CYLC1: variants seen among roughly 807,000 people sequenced by gnomAD.
CYLC1 encodes the protein cylicin 1.
A neutral mutation model predicts 31.6 loss-of-function variants in CYLC1; 2 were observed. The observed-to-expected ratio is 0.06, with a 90% CI of 0.03 to 0.20. The LOEUF (loss-of-function observed/expected upper bound fraction) is 0.20, where lower values mean the gene tolerates loss of function less well. Ranked by LOEUF, CYLC1 falls within the 10% of genes least tolerant of loss-of-function variation. The pLI is 1.00. For synonymous variants in CYLC1, 185 were observed against 153.0 expected (o/e 1.21, Z -1.54); for missense variants, 595 against 424.1 (o/e 1.40, Z -3.54).
intron 2 of CYLC1, among the ~76,000 whole-genome samples, chrX:83,871,114 T>A (rs2031657112): frequency 9.1e-6 from 1 of 110,395 alleles, no homozygotes; most frequent in African/African-American, 3.3e-5. Flanking sequence ...GACGAGATGA[T>A]GTAGATATTT....
intron 4 of CYLC1, among the ~76,000 whole-genome samples, chrX:83,883,473 A>T (rs1285349254): frequency 8.9e-6 from 1 of 111,836 alleles, no homozygotes; most frequent in African/African-American, 3.2e-5. Flanking sequence ...TAAAATGCAT[A>T]TCTATTTCTT....
chrX:83,881,030 A>G (rs1412716733), intron 4 of CYLC1, among the ~76,000 whole-genome samples: 8 of 111,515 alleles, frequency 7.2e-5, no homozygotes, highest in African/African-American at 1.3e-4. Flanking sequence ...TTCAATTTCT[A>G]TAGTTAATTA....
chrX:83,871,600 C>T (rs765275569), intron 3 of CYLC1, 30 bp downstream of exon 3: 80 of 1,144,432 alleles, frequency 7.0e-5, no homozygotes, highest in South Asian at 3.9e-4. Flanking sequence ...TTTTTAAAAA[C>T]GAAATCTAAG....
At chrX:83,863,380 C>T (rs1336716079) in intron 1 of CYLC1, among the ~76,000 whole-genome samples, 1 of 111,049 alleles carries the variant, frequency 9.0e-6, no homozygotes, top group Non-Finnish European at 1.9e-5. Flanking sequence ...TTGCTAATGA[C>T]CTTTCTGTGG....
chrX:83,885,819 A>G lies in CYLC1; in HGVS notation c.1924-733A>G, dbSNP rs184465669. ...CTATAAGAGAAAAACTTTGGTATAA[A>G]TGTATAATATATAAAACTATGTATA... On this transcript the variant is annotated intron_variant, in intron 4 of 4. Transcript: ENST00000329312. Among the ~76,000 whole-genome samples the G allele has an allele frequency of 1.4e-3, 159 of 110,260 alleles. 1 individual carries two copies. The highest frequency in any genetic ancestry group is 4.8e-3 in the African/African-American group (147 of 30,657).
chrX:83,881,987 C>T (rs747381028), intron 4 of CYLC1, among the ~76,000 whole-genome samples: 8 of 110,691 alleles, frequency 7.2e-5, no homozygotes, highest in Non-Finnish European at 1.1e-4. Context: ...TGAGCCACCG[C>T]GCCTGGTCAC....
At chrX:83,875,350 T>TA (rs2031743465) in intron 4 of CYLC1, among the ~76,000 whole-genome samples, 1 of 111,318 alleles carries the variant, frequency 9.0e-6, no homozygotes, top group Admixed American at 9.6e-5. Flanking sequence ...TAAATAGACA[T>TA]ATTACATTAG....
Position 83,874,272 on chromosome X carries a change from G to C in CYLC1, c.1564G>C (p.Ala522Pro). The C allele has an allele frequency of 8.3e-7, 1 of 1,209,591 alleles. No individual in the cohort carries two copies. ...DARKDTESTD[A>P]EFDESSKTGF... ...AAGAAAGGACACAGAGTCTACTGAT[G>C]CTGAATTTGATGAATCTTCCAAGAC... Residue 522 changes from alanine (A) to proline (P), a missense_variant, in exon 4 of 5, where the codon GCT becomes CCT. By Grantham distance (27) the Ala-to-Pro change is conservative (BLOSUM62 -1). Coordinates refer to ENST00000329312, the MANE Select transcript of CYLC1 (RefSeq NM_021118.3).
chrX:83,876,318 C>T (rs2031757890), intron 4 of CYLC1, among the ~76,000 whole-genome samples: 1 of 110,132 alleles, frequency 9.1e-6, no homozygotes, highest in Non-Finnish European at 1.9e-5. Context: ...TGGCTAACCA[C>T]TAGTGTGACA....
chrX:83,863,832 A>G (rs747677462), intron 1 of CYLC1, among the ~76,000 whole-genome samples: 27 of 111,682 alleles, frequency 2.4e-4, no homozygotes, highest in Admixed American at 2.0e-3. Context: ...ACTGTAAGAA[A>G]CTACCAGAAA....
chrX:83,881,041 G>A (rs1186292832), intron 4 of CYLC1, among the ~76,000 whole-genome samples: 1 of 111,206 alleles, frequency 9.0e-6, no homozygotes, highest in Non-Finnish European at 1.9e-5. Flanking sequence ...TAGTTAATTA[G>A]GAGTCAAAAG....
chrX:83,872,941 G>A lies in CYLC1; in HGVS notation c.233G>A (p.Arg78Lys), dbSNP rs762829687. ...EGQKPAHKWI[R>K]HSFRKILQWP... is the part of the protein sequence containing the mutation. Reference sequence around the variant, plus strand: ...CAGAAACCAGCTCATAAATGGATAAGGCATTCTTTCAGAAAAATTTTGCAA... The same window carrying A: ...CAGAAACCAGCTCATAAATGGATAAAGCATTCTTTCAGAAAAATTTTGCAA... The change falls in exon 4 of 5, where the codon AGG becomes AAG. Residue 78 changes from arginine to lysine, a missense_variant. Transcript: ENST00000329312. The A allele has an allele frequency of 1.7e-6, 2 of 1,198,899 alleles. No homozygotes were observed. Among genetic ancestry groups the A allele is most frequent in the Non-Finnish European group, 2.2e-6 (2 of 891,105 alleles).
intron 1 of CYLC1, among the ~76,000 whole-genome samples, chrX:83,869,096 T>C (rs1233402995): frequency 3.6e-5 from 4 of 111,058 alleles, no homozygotes; most frequent in African/African-American, 6.5e-5. Context: ...ATTATACATA[T>C]ATATTTTTAT....
At chrX:83,872,841 T>C (rs1201353027) in intron 3 of CYLC1, 45 bp from the exon 4 acceptor site, 3 of 925,345 alleles carry the variant, frequency 3.2e-6, no homozygotes, top group African/African-American at 4.1e-5. Context: ...TATAGAAAGA[T>C]AAAACTCATT....
Position 83,873,962 on chromosome X carries a change from T to A in CYLC1, c.1254T>A (p.Ser418Arg). The A allele has an allele frequency of 8.6e-7, 1 of 1,168,021 alleles. No homozygotes were observed. The highest frequency in any genetic ancestry group is 1.1e-6 in the Non-Finnish European group (1 of 873,470). The change falls in exon 4 of 5, where the codon AGT becomes AGA. Residue 418 changes from serine to arginine, a missense_variant. Physicochemically the swap from Ser to Arg is moderately radical, Grantham distance 110 (BLOSUM62 -1). Coordinates refer to ENST00000329312, the MANE Select transcript of CYLC1 (RefSeq NM_021118.3). ...DSESELESKE[S>R]QKDEKKDKKD... is the part of the protein sequence containing the mutation. ...AATCTGAACTGGAGTCAAAGGAGAG[T>A]CAGAAAGATGAAAAAAAGGATAAAA...
intron 4 of CYLC1, among the ~76,000 whole-genome samples, chrX:83,884,117 A>C (rs1371089397): frequency 8.9e-6 from 1 of 111,802 alleles, no homozygotes; most frequent in Non-Finnish European, 1.9e-5. Flanking sequence ...AAGCCAGTCA[A>C]AGTGGATGGT....
At chrX:83,879,811 A>T (rs896353706) in intron 4 of CYLC1, among the ~76,000 whole-genome samples, 1 of 111,496 alleles carries the variant, frequency 9.0e-6, no homozygotes, top group Admixed American at 9.6e-5. Flanking sequence ...AGCTGGGAGC[A>T]GGAGGAAGTG....
At position 83,861,169 on chromosome X, in the gene CYLC1, T is replaced by A; in HGVS notation, c.-14T>A. 1 of 1,201,557 alleles carries A rather than the reference T, an allele frequency of 8.3e-7. No homozygotes were observed. The highest frequency in any genetic ancestry group is 2.2e-5 in the Admixed American group (1 of 45,529). Reference sequence around the variant, plus strand: ...TTACTATGCTCAAGTCCAGGCAACGTACAGGCAGGGGAAATGTCTCTTCCA... The same window carrying A: ...TTACTATGCTCAAGTCCAGGCAACGAACAGGCAGGGGAAATGTCTCTTCCA... On this transcript the variant is annotated 5_prime_UTR_variant, in exon 1 of 5. Coordinates refer to ENST00000329312, the MANE Select transcript of CYLC1 (RefSeq NM_021118.3).
chrX:83,866,163 A>G (rs1172135305), intron 1 of CYLC1, among the ~76,000 whole-genome samples: 1 of 111,799 alleles, frequency 8.9e-6, no homozygotes, highest in African/African-American at 3.3e-5. Context: ...TATCTGTAGA[A>G]CTGTAAAATT....
Sources: allele counts gnomAD v4.1 joint callset (sites outside exome capture counted in the v4.1 genomes callset), GRCh38; gene constraint gnomAD v4.1.1; transcripts MANE v1.5; gene names NCBI Gene and HGNC (gene_info 2026-07-23, HGNC 2026-07-21).